Variants in FSTL5 observed in about 807,000 individuals in gnomAD.
FSTL5 encodes the protein follistatin like 5.
Under a neutral mutation model 89.1 loss-of-function variants are expected in FSTL5, and 62 were observed. The ratio of observed to expected loss-of-function variants is 0.70; its 90% CI spans 0.57 to 0.86. The LOEUF (loss-of-function observed/expected upper bound fraction) is 0.86. Among genes scored for constraint, FSTL5 ranks in the 40% least tolerant of loss-of-function variants. The probability of loss-of-function intolerance (pLI) is 0.00; values close to 1 mark genes in which losing one functional copy is unlikely to be tolerated. For missense variants in FSTL5, 1,057 were observed against 1,001.6 expected (o/e 1.06, Z -0.75); for synonymous variants, 383 against 346.2 (o/e 1.11, Z -1.18).
At chr4:162,159,379 T>C (rs1733605635) in intron 1 of FSTL5, among the ~76,000 whole-genome samples, 1 of 152,080 alleles carries the variant, frequency 6.6e-6, no homozygotes, top group Non-Finnish European at 1.5e-5. Flanking sequence ...TTAAATCTTT[T>C]GCTTTGGAAT....
intron 3 of FSTL5, among the ~76,000 whole-genome samples, chr4:161,924,306 T>A (rs1200295551): frequency 1.3e-5 from 2 of 151,198 alleles, no homozygotes; most frequent in African/African-American, 4.8e-5. Flanking sequence ...TCATTCCCTA[T>A]TATTCTAAGA....
intron 12 of FSTL5, among the ~76,000 whole-genome samples, chr4:161,485,839 TAATTAAATGCTAATG>T (rs1368603523): frequency 6.6e-6 from 1 of 151,988 alleles, no homozygotes; most frequent in Admixed American, 6.6e-5. Flanking sequence ...AAAGAGCCAT[TAATTAAATGCTAATG>T]AGGCCGGGCG....
intron 3 of FSTL5, among the ~76,000 whole-genome samples, chr4:161,968,070 G>A (rs1550492): frequency 0.39 from 58,377 of 151,334 alleles, 11,533 homozygotes; most frequent in Middle Eastern, 0.56. Context: ...GAAGAGCTTT[G>A]GTGTATTTCT....
chr4:161,571,701 T>C (rs1451290582), intron 8 of FSTL5, among the ~76,000 whole-genome samples: 1 of 152,150 alleles, frequency 6.6e-6, no homozygotes, highest in African/African-American at 2.4e-5. Flanking sequence ...GAAACATTAA[T>C]CTCAATTTTA....
At chr4:161,879,789 T>C (rs535068716) in intron 4 of FSTL5, among the ~76,000 whole-genome samples, 1 of 152,276 alleles carries the variant, frequency 6.6e-6, no homozygotes, top group Admixed American at 6.5e-5. Context: ...ATCTTCCTCC[T>C]CCAACCCTGG....
At chr4:161,748,189 AC>A (rs1233616670) in intron 6 of FSTL5, among the ~76,000 whole-genome samples, 1 of 152,194 alleles carries the variant, frequency 6.6e-6, no homozygotes, top group Non-Finnish European at 1.5e-5. Flanking sequence ...ATGTGCATTA[AC>A]AAATTATTCT....
chr4:161,795,121 G>T (rs559651119), intron 4 of FSTL5, among the ~76,000 whole-genome samples: 2 of 152,048 alleles, frequency 1.3e-5, no homozygotes, highest in African/African-American at 4.8e-5. Context: ...GAATACAAAT[G>T]ACTAAAGGAG....
chr4:161,856,451 C>T (rs1196121113), intron 4 of FSTL5, among the ~76,000 whole-genome samples: 1 of 151,790 alleles, frequency 6.6e-6, no homozygotes, highest in Admixed American at 6.6e-5. Flanking sequence ...ATTTAAAAAG[C>T]CATTTTGAAG....
intron 1 of FSTL5, among the ~76,000 whole-genome samples, chr4:162,116,351 G>T (rs1731635218): frequency 6.6e-6 from 1 of 152,170 alleles, no homozygotes; most frequent in South Asian, 2.1e-4. Flanking sequence ...CATGCGCTCA[G>T]TATCTACATG....
chr4:161,732,893 A>G (rs1303410742), intron 6 of FSTL5, among the ~76,000 whole-genome samples: 1 of 150,864 alleles, frequency 6.6e-6, no homozygotes, highest in Non-Finnish European at 1.5e-5. Context: ...TTATTACTGT[A>G]GTTTTATAAT....
chr4:161,752,824 G>C lies in FSTL5; in HGVS notation c.727+6587C>G, dbSNP rs150872091. Among the ~76,000 whole-genome samples the C allele has an allele frequency of 1.1e-3, 170 of 152,158 alleles. 1 individual carries two copies. Among genetic ancestry groups the C allele is most frequent in the African/African-American group, 3.6e-3 (150 of 41,514 alleles). ...CGTTAAGGTTTAATGAGGTCTTTAG[G>C]GTGGGTCCTAATCTGATAGGTTTTT... is the stretch of plus-strand genomic sequence containing the variant. On this transcript the variant is annotated intron_variant, in intron 6 of 15. Transcript: ENST00000306100.
chr4:161,491,854 AAG>A (rs1553991287), intron 12 of FSTL5, among the ~76,000 whole-genome samples: 2 of 150,828 alleles, frequency 1.3e-5, no homozygotes, highest in Non-Finnish European at 3.0e-5. Context: ...AAAAAAAAAA[AAG>A]AGAGAGAGCC....
At chr4:162,013,848 A>G (rs1320411674) in intron 3 of FSTL5, among the ~76,000 whole-genome samples, 1 of 151,778 alleles carries the variant, frequency 6.6e-6, no homozygotes, top group Non-Finnish European at 1.5e-5. Flanking sequence ...AAACTTATCC[A>G]TAGGCATTAA....
At chr4:161,793,197 C>A (rs532763342) in intron 4 of FSTL5, among the ~76,000 whole-genome samples, 2 of 152,296 alleles carry the variant, frequency 1.3e-5, no homozygotes, top group South Asian at 2.1e-4. Context: ...CTGTGCCCAG[C>A]GGCCAGACCC....
intron 4 of FSTL5, among the ~76,000 whole-genome samples, chr4:161,846,607 C>G (rs1355513115): frequency 6.6e-6 from 1 of 152,170 alleles, no homozygotes; most frequent in Non-Finnish European, 1.5e-5. Flanking sequence ...ATCCACTCTA[C>G]TAATGATTTT....
chr4:161,903,345 C>A (rs954221733), intron 4 of FSTL5, among the ~76,000 whole-genome samples: 4 of 151,794 alleles, frequency 2.6e-5, no homozygotes, highest in African/African-American at 9.7e-5. Context: ...TTTCTTTAGT[C>A]CCTATCAAAA....
chr4:161,972,806 A>G (rs1735523301), intron 3 of FSTL5, among the ~76,000 whole-genome samples: 1 of 152,202 alleles, frequency 6.6e-6, no homozygotes, highest in Non-Finnish European at 1.5e-5. Context: ...GTAATTTATT[A>G]CCAGAAATAG....
rs112227074 is a variant in FSTL5, at chr4:161,646,505, T to C, written c.894+9823A>G. On this transcript the variant is annotated intron_variant, in intron 7 of 15. Transcript: ENST00000306100. ...AAGATATAATATTCTCTATTAAGAA[T>C]GTAATGACATATAAAATCCAGACAT... 3.6e-3 allele frequency among the ~76,000 whole-genome samples: 540 copies of C among 152,090 alleles called. 2 individuals are homozygous for C. Among genetic ancestry groups the C allele is most frequent in the African/African-American group, 0.012 (511 of 41,556 alleles).
chr4:161,523,414 C>A (rs916979880), intron 10 of FSTL5, among the ~76,000 whole-genome samples: 4 of 152,170 alleles, frequency 2.6e-5, no homozygotes, highest in Non-Finnish European at 4.4e-5. Flanking sequence ...ATAATAAGTT[C>A]TTTCCAGTGC....
Sources: gnomAD v4.1 joint callset for allele counts (sites outside exome capture counted in the v4.1 genomes callset) on GRCh38, gnomAD v4.1.1 for gene constraint, MANE v1.5 for transcripts, NCBI Gene and HGNC (gene_info 2026-07-23, HGNC 2026-07-21) for gene names.